The following NSUN2 variants were observed in gnomAD, a reference collection of about 807,000 sequenced individuals.
The protein encoded by NSUN2 is RNA cytosine C(5)-methyltransferase NSUN2.
Under a neutral mutation model 92.7 loss-of-function variants are expected in NSUN2, and 63 were observed. The ratio of observed to expected loss-of-function variants is 0.68; its 90% CI spans 0.56 to 0.84. The LOEUF is 0.84. Ranked by LOEUF, NSUN2 falls within the 40% of genes least tolerant of loss-of-function variation. The pLI is 0.00. For synonymous variants in NSUN2, 356 were observed against 348.3 expected (o/e 1.02, Z -0.25); for missense variants, 989 against 964.9 (o/e 1.02, Z -0.33).
rs766532384 is a variant in NSUN2 at position 6,631,923 on chromosome 5, C to G, written c.309G>C (p.Glu103Asp). The G allele has an allele frequency of 4.0e-5, 65 of 1,614,030 alleles. No homozygotes were observed. Among genetic ancestry groups the G allele is most frequent in the Non-Finnish European group, 5.3e-5 (62 of 1,180,014 alleles). ...CTTTCTGACCGTCCACCTCCAGGTCCTCCAATTCCTTAAAATATTTGTTCT... is the reference window on the plus strand; with the variant it reads ...CTTTCTGACCGTCCACCTCCAGGTCGTCCAATTCCTTAAAATATTTGTTCT... ...CLKNKYFKEL[E>D]DLEVDGQKVE... is the part of the protein sequence containing the mutation. The change falls in exon 3 of 19, where the codon GAG (glutamate) becomes GAC (aspartate). Residue 103 changes from glutamate (E) to aspartate (D), a missense_variant. By Grantham distance (45) the Glu-to-Asp change is conservative (BLOSUM62 2). Around this residue, in one of 3 missense-constraint regions of NSUN2, gnomAD observed 356 missense variants for 338.6 expected, o/e 1.05. Coordinates refer to ENST00000264670, the MANE Select transcript of NSUN2 (RefSeq NM_017755.6).
At chr5:6,611,352 GTTT>G (rs945059484) in intron 10 of NSUN2, among the ~76,000 whole-genome samples, 1 of 147,148 alleles carries the variant, frequency 6.8e-6, no homozygotes, top group Admixed American at 7.0e-5. Flanking sequence ...TTTCCATCTA[GTTT>G]TTTTCTTTTT....
chr5:6,605,735 T>C (rs1736741479), intron 14 of NSUN2, among the ~76,000 whole-genome samples: 1 of 151,992 alleles, frequency 6.6e-6, no homozygotes, highest in Non-Finnish European at 1.5e-5. Flanking sequence ...TCTTGCTCTG[T>C]CTTCCAAGCT....
chr5:6,632,947 C>G lies in NSUN2; in HGVS notation c.33G>C (p.Gln11His). 1.3e-6 allele frequency: 2 copies of G among 1,502,160 alleles called. No homozygotes were observed. Among genetic ancestry groups the G allele is most frequent in the Non-Finnish European group, 1.8e-6 (2 of 1,133,698 alleles). The allele number at this position is 1,502,160 out of a possible 1,614,324, so 93.1% of individuals were successfully genotyped here. The change falls in exon 1 of 19, where the codon CAG becomes CAC. Residue 11 changes from glutamine to histidine, a missense_variant. By Grantham distance (24) the Gln-to-His change is conservative (BLOSUM62 0). This residue lies in a region of NSUN2 where 356 missense variants were observed against 338.6 expected (regional missense o/e 1.05). Transcript: ENST00000264670. ...CCGCGTCCTCCGGCCGCTGCTGTTG[C>G]TGGAGCCGCCGACCCCGCGACCGCC... MGRRSRGRRL[Q>H]QQQRPEDAED...
chr5:6,631,820 A>G lies in NSUN2; in HGVS notation c.359+53T>C, dbSNP rs1453628004. The G allele has an allele frequency of 3.9e-6, 5 of 1,270,804 alleles. No individual in the cohort carries two copies. In the Admixed American group the frequency reaches 9.3e-5, roughly 24 times the overall value. 78.7% of individuals were successfully genotyped at this position (1,270,804 alleles called of 1,614,324 possible). ...AGTACCAAGAAATATAATTCAAGTG[A>G]TAGAGATTAATATCCCAAATAAATA... On this transcript the variant is annotated intron_variant, in intron 3 of 18. Transcript: ENST00000264670.
intron 14 of NSUN2, 47 bp from the exon 15 acceptor site, chr5:6,605,455 G>C: frequency 1.3e-6 from 2 of 1,593,698 alleles, no homozygotes; most frequent in African/African-American, 2.7e-5. Context: ...TTCAAAATCT[G>C]GTAGACTGTT....
At chr5:6,631,785 C>A in intron 3 of NSUN2, 88 bp downstream of exon 3, 1 of 983,356 alleles carries the variant, frequency 1.0e-6, no homozygotes, top group Non-Finnish European at 1.6e-6. Flanking sequence ...AGCTCTTTAA[C>A]AGCAAATGCA....
intron 13 of NSUN2, 136 bp from the exon 14 acceptor site, chr5:6,607,048 CCA>C (rs1196224702): frequency 6.0e-5 from 59 of 978,204 alleles, no homozygotes; most frequent in East Asian, 9.5e-5. Flanking sequence ...CTTCCGGCTT[CCA>C]CAGAGTCCAG....
intron 9 of NSUN2, among the ~76,000 whole-genome samples, chr5:6,615,846 A>C (rs1186860476): frequency 1.3e-5 from 2 of 152,240 alleles, no homozygotes; most frequent in Non-Finnish European, 2.9e-5. Flanking sequence ...GCAAAACATA[A>C]AAGGAGAAAT....
At chr5:6,616,232 C>A (rs1490298186) in intron 9 of NSUN2, among the ~76,000 whole-genome samples, 1 of 152,058 alleles carries the variant, frequency 6.6e-6, no homozygotes, top group Non-Finnish European at 1.5e-5. Context: ...CTCACAACAG[C>A]CAAAAAGTGG....
At chr5:6,627,335 C>T (rs1009863085) in intron 3 of NSUN2, among the ~76,000 whole-genome samples, 1 of 152,170 alleles carries the variant, frequency 6.6e-6, no homozygotes, top group African/African-American at 2.4e-5. Context: ...AGCCAAATGC[C>T]AGCTCATATA....
chr5:6,611,696 T>C (rs1030324690), intron 10 of NSUN2, 29 bp downstream of exon 10: 6 of 1,604,350 alleles, frequency 3.7e-6, no homozygotes, highest in Non-Finnish European at 5.1e-6. Context: ...ACCTACTCTT[T>C]AGAATGAAAG....
intron 3 of NSUN2, among the ~76,000 whole-genome samples, chr5:6,628,821 T>C (rs773161197): frequency 3.9e-5 from 6 of 152,148 alleles, no homozygotes; most frequent in African/African-American, 7.2e-5. Context: ...GGCAGGAAGA[T>C]TGCTTGAGCC....
At chr5:6,622,847 C>CA (rs36124758) in intron 5 of NSUN2, among the ~76,000 whole-genome samples, 3,144 of 126,884 alleles carry the variant, frequency 0.025, 66 homozygotes, top group Middle Eastern at 0.045. Context: ...AACTCCATCT[C>CA]AAAAAAAAAA....
At chr5:6,602,631 C>T (rs765823947) in intron 17 of NSUN2, 131 bp from the exon 18 acceptor site, 3 of 884,204 alleles carry the variant, frequency 3.4e-6, no homozygotes, top group Non-Finnish European at 5.6e-6. Context: ...ACATTCTTGG[C>T]TTCAAGGATC....
Position 6,600,157 on chromosome 5 carries a change from G to A in NSUN2, c.2073C>T (p.Pro691=). The A allele has an allele frequency of 6.2e-7, 1 of 1,614,150 alleles. No homozygotes were observed. The highest frequency in any genetic ancestry group is 2.2e-5 in the East Asian group (1 of 44,884). ...TGAGATAATGAAGCCGTTCATTCTT[G>A]GGCACAAAAGTTCGAATGGAGGCCT... is the stretch of plus-strand genomic sequence containing the variant. ...RGKASIRTFV[P]KNERLHYLRM... The change falls in exon 19 of 19, where the codon CCC becomes CCT. Residue 691 remains proline (P), a synonymous_variant. Transcript: ENST00000264670.
intron 9 of NSUN2, among the ~76,000 whole-genome samples, chr5:6,612,323 C>T (rs998418477): frequency 2.0e-5 from 3 of 152,268 alleles, no homozygotes; most frequent in African/African-American, 4.8e-5. Context: ...GTCTAACAAA[C>T]ATCCCAGAGC....
At position 6,599,522 on chromosome 5, in the gene NSUN2, T is replaced by C. The variant is rs1414008684; in HGVS notation, c.*404A>G. 6.2e-6 allele frequency: 1 copy of C among 160,674 alleles called. No homozygotes were observed. The highest frequency in any genetic ancestry group is 2.4e-5 in the African/African-American group (1 of 41,560). The allele number at this position is 160,674 out of a possible 1,614,324, so 10.0% of individuals were successfully genotyped here. A position where few individuals can be genotyped will look rare whatever the true frequency, so the allele number is the denominator to read the frequency against. On this transcript the variant is annotated 3_prime_UTR_variant, in exon 19 of 19. Coordinates refer to ENST00000264670, the MANE Select transcript of NSUN2 (RefSeq NM_017755.6). ...AGCTTATAACACACTTCCCCAAGAA[T>C]TTATAGATTCTTTCTATAAATAATA...
Position 6,632,039 on chromosome 5 carries a change from C to A in NSUN2, c.255-62G>T, listed in dbSNP as rs1409069304. On this transcript the variant is annotated intron_variant, in intron 2 of 18. Transcript: ENST00000264670. ...AAACTAAGTTAATACATTGTATCTT[C>A]TTAAATTTAAGACTGCAAGTGTTTT... 2.3e-6 allele frequency: 3 copies of A among 1,322,948 alleles called. No homozygotes were observed. In the African/African-American group the frequency reaches 4.4e-5, roughly 19 times the overall value. 82.0% of individuals were successfully genotyped at this position (1,322,948 alleles called of 1,614,324 possible). A position where few individuals can be genotyped will look rare whatever the true frequency, so the allele number is the denominator to read the frequency against.
Position 6,618,234 on chromosome 5 carries a change from A to C in NSUN2, c.816-210T>G, listed in dbSNP as rs181605936. ...AGTTTTAAATTATACTTCAATTTTC[A>C]AGCAGAAAATAATGGATTTGAACAG... On this transcript the variant is annotated intron_variant, in intron 7 of 18. Transcript: ENST00000264670. Among the ~76,000 whole-genome samples the C allele has an allele frequency of 3.7e-4, 56 of 152,342 alleles. 1 individual carries two copies. The highest frequency in any genetic ancestry group is 2.2e-4 in the Non-Finnish European group (15 of 68,020).
Sources: gnomAD v4.1 joint callset for allele counts (sites outside exome capture counted in the v4.1 genomes callset) on GRCh38, gnomAD v4.1.1 for gene constraint, gnomAD v4.1.1 regional missense constraint, MANE v1.5 for transcripts, NCBI Gene and HGNC (gene_info 2026-07-23, HGNC 2026-07-21) for gene names.